The following CFAP46 variants were observed in gnomAD, a reference collection of about 807,000 sequenced individuals.
CFAP46 encodes cilia- and flagella-associated protein 46.
CFAP46 carries 245 observed loss-of-function variants against 325.7 expected under a neutral mutation model. The observed-to-expected ratio is 0.75, with a 90% CI of 0.68 to 0.84. CFAP46 has a LOEUF of 0.84. Ranked by LOEUF, CFAP46 falls within the 40% of genes least tolerant of loss-of-function variation. The pLI is 0.00. For synonymous variants in CFAP46, 1,523 were observed against 1,495.9 expected (o/e 1.02, Z -0.42); for missense variants, 3,346 against 3,543.0 (o/e 0.94, Z 1.41).
chr10:132,845,156 TCCTC>T (rs1848413535), intron 44 of CFAP46, among the ~76,000 whole-genome samples: 1 of 152,214 alleles, frequency 6.6e-6, no homozygotes, highest in Admixed American at 6.5e-5. Flanking sequence ...ATCAGCATCT[TCCTC>T]CAGGCGCAGG....
rs1849815546 is a variant in CFAP46, at chr10:132,926,601, A to G, written c.1032T>C (p.Ser344=). Residue 344 remains serine, a synonymous_variant, in exon 10 of 58, where the codon AGT becomes AGC. Transcript: ENST00000368586. ...ECESEALRLE[S]KMKVYNRAAV... is the part of the protein sequence containing the mutation. The stretch of plus-strand genomic sequence containing the variant: ...CCGCTCGGTTGTACACTTTCATCTT[A>G]CTTTCAAGTCTTAAAGCTTCCGATT... 2 of 1,536,188 alleles carry G rather than the reference A, an allele frequency of 1.3e-6. No homozygotes were observed. Among genetic ancestry groups the G allele is most frequent in the East Asian group, 4.9e-5 (2 of 40,920 alleles).
chr10:132,879,830 C>T (rs957235093), intron 28 of CFAP46, among the ~76,000 whole-genome samples, 199 bp from the exon 29 acceptor site: 1 of 152,156 alleles, frequency 6.6e-6, no homozygotes, highest in East Asian at 1.9e-4. Context: ...CTTGGCTGCC[C>T]CCTCACCCCC....
rs1850019071 is a variant in CFAP46, at chr10:132,937,038, C to T, written c.678G>A (p.Met226Ile). 1 of 1,521,314 alleles carries T rather than the reference C, an allele frequency of 6.6e-7. No homozygotes were observed. Among genetic ancestry groups the T allele is most frequent in the Non-Finnish European group, 8.9e-7 (1 of 1,122,840 alleles). The allele number at this position is 1,521,314 out of a possible 1,614,324, so 94.2% of individuals were successfully genotyped here. A position where few individuals can be genotyped will look rare whatever the true frequency, so the allele number is the denominator to read the frequency against. ...IFSVMVRHELMDELQLKEEKK... is the reference protein window; with the variant it reads ...IFSVMVRHELIDELQLKEEKK... The stretch of plus-strand genomic sequence containing the variant: ...TTTCTTCCTTTAACTGAAGTTCGTC[C>T]ATTAATTCATGACGAACCTGTCATA... Residue 226 changes from methionine to isoleucine, a missense_variant, in exon 7 of 58, where the codon ATG (methionine) becomes ATA (isoleucine). Coordinates refer to ENST00000368586, the MANE Select transcript of CFAP46 (RefSeq NM_001200049.3).
At position 132,857,703 on chromosome 10, in the gene CFAP46, C is replaced by T. The variant is rs752148392; in HGVS notation, c.5461G>A (p.Glu1821Lys). Residue 1821 changes from glutamate to lysine, a missense_variant, in exon 39 of 58, where the codon GAG becomes AAG. By Grantham distance (56) the Glu-to-Lys change is moderately conservative. Coordinates refer to ENST00000368586, the MANE Select transcript of CFAP46 (RefSeq NM_001200049.3). ...ATGCTGTGAAGCCTCCCTTCTTCCT[C>T]AGCTACGGCACCCTGGGCCAGGCCA... The part of the protein sequence containing the change: ...AYGLAQGAVA[E>K]EEGRLHSIQG... 1 of 1,613,180 alleles carries T rather than the reference C, an allele frequency of 6.2e-7. No individual in the cohort carries two copies. The highest frequency in any genetic ancestry group is 8.5e-7 in the Non-Finnish European group (1 of 1,179,682).
At position 132,922,678 on chromosome 10, in the gene CFAP46, G is replaced by A; in HGVS notation, c.1287C>T (p.His429=). Residue 429 remains histidine (H), a synonymous_variant, in exon 12 of 58, where the codon CAC becomes CAT. Transcript: ENST00000368586. ...SLMTLLRCQV[H]MEMAQIEEDE... Reference sequence around the variant, plus strand: ...CCTCCTCGATCTGCGCCATCTCCATGTGCACTTGACAGCGGAGAAGCGTCA... The same window carrying A: ...CCTCCTCGATCTGCGCCATCTCCATATGCACTTGACAGCGGAGAAGCGTCA... 1 of 1,549,650 alleles carries A rather than the reference G, an allele frequency of 6.5e-7. No homozygotes were observed. The highest frequency in any genetic ancestry group is 1.7e-4 in the Middle Eastern group (1 of 5,984).
At chr10:132,825,541 C>T (rs1848031419) in intron 50 of CFAP46, among the ~76,000 whole-genome samples, 1 of 152,188 alleles carries the variant, frequency 6.6e-6, no homozygotes, top group African/African-American at 2.4e-5. Flanking sequence ...GCATGTACAG[C>T]TTCTTACATG....
At chr10:132,881,319 G>A (rs749300081) in intron 27 of CFAP46, among the ~76,000 whole-genome samples, 4 of 152,092 alleles carry the variant, frequency 2.6e-5, no homozygotes, top group East Asian at 1.9e-4. Context: ...GGGGACTCCC[G>A]GGTCCCCAGA....
chr10:132,836,042 TCTCACCTCCCCCTCCCGACACAGCCCTG>T, intron 46 of CFAP46, 72 bp downstream of exon 46: 4 of 109,636 alleles, frequency 3.6e-5, no homozygotes, highest in Non-Finnish European at 7.3e-5. Flanking sequence ...CCCCTCCACC[TCTCACCTCCCCCTCCCGACACAGCCCTG>T]CTCACCTCCC....
At chr10:132,895,650 A>T (rs1264296117) in intron 24 of CFAP46, among the ~76,000 whole-genome samples, 1 of 152,262 alleles carries the variant, frequency 6.6e-6, no homozygotes, top group African/African-American at 2.4e-5. Context: ...AACACACAAC[A>T]ATCAGCTGTG....
intron 34 of CFAP46, 120 bp from the exon 35 acceptor site, chr10:132,866,291 G>T: frequency 9.1e-7 from 1 of 1,094,058 alleles, no homozygotes; most frequent in Non-Finnish European, 1.2e-6. Flanking sequence ...CACACCAAGG[G>T]CTCCCTGCTG....
rs555205582 is a variant in CFAP46, at chr10:132,809,552, G to A, written c.7665-648C>T. The stretch of plus-strand genomic sequence containing the variant: ...ACCGTGGACCACGTGCTCTTTACAC[G>A]ATAAGCTCCTGGTGAGCGGTGGATA... On this transcript the variant is annotated intron_variant, in intron 57 of 57. Coordinates refer to ENST00000368586, the MANE Select transcript of CFAP46 (RefSeq NM_001200049.3). Among the ~76,000 whole-genome samples the A allele has an allele frequency of 1.9e-3, 282 of 152,296 alleles. 1 individual carries two copies. Among genetic ancestry groups the A allele is most frequent in the African/African-American group, 6.6e-3 (273 of 41,566 alleles).
At chr10:132,834,502 G>A in intron 48 of CFAP46, 152 bp downstream of exon 48, 1 of 1,111,792 alleles carries the variant, frequency 9.0e-7, no homozygotes, top group Non-Finnish European at 1.3e-6. Flanking sequence ...AGAACCAGAA[G>A]AATTGCTTCC....
Position 132,814,560 on chromosome 10 carries a change from C to G in CFAP46, c.7285+17G>C. On this transcript the variant is annotated intron_variant, in intron 53 of 57. Coordinates refer to ENST00000368586, the MANE Select transcript of CFAP46 (RefSeq NM_001200049.3). Reference sequence around the variant, plus strand: ...GGCTGGCGTGTGCCTGAACAGGGAGCCCTGTGCAGCACCCACCTGGGCCCT... The same window carrying G: ...GGCTGGCGTGTGCCTGAACAGGGAGGCCTGTGCAGCACCCACCTGGGCCCT... The G allele has an allele frequency of 6.4e-7, 1 of 1,555,456 alleles. No individual in the cohort carries two copies. Among genetic ancestry groups the G allele is most frequent in the Non-Finnish European group, 8.7e-7 (1 of 1,150,132 alleles).
Position 132,919,361 on chromosome 10 carries a change from G to A in CFAP46, c.1812C>T (p.Cys604=). 5 of 1,550,156 alleles carry A rather than the reference G, an allele frequency of 3.2e-6. No homozygotes were observed. Among genetic ancestry groups the A allele is most frequent in the South Asian group, 1.2e-5 (1 of 84,042 alleles). The change falls in exon 15 of 58, where the codon TGC becomes TGT. Residue 604 remains cysteine (C), a synonymous_variant. Coordinates refer to ENST00000368586, the MANE Select transcript of CFAP46 (RefSeq NM_001200049.3). The surrounding 1 kb of genome is among the most constrained non-coding windows in gnomAD (Gnocchi z 9.7). ...WDVCRTASRF[C]LLYDNVKVKK... The stretch of plus-strand genomic sequence containing the variant: ...TCACCTTGACGTTGTCATACAGGAG[G>A]CAGAAGCGGCTCGCCGTCCGACAGA...
chr10:132,909,424 C>T (rs142608265), intron 20 of CFAP46, among the ~76,000 whole-genome samples, 180 bp from the exon 21 acceptor site: 2,094 of 152,352 alleles, frequency 0.014, 23 homozygotes, highest in Middle Eastern at 0.041. Flanking sequence ...TCTCATACAA[C>T]GAGGAGCCCC....
intron 11 of CFAP46, 50 bp downstream of exon 11, chr10:132,924,646 C>G (rs552733871): frequency 7.1e-7 from 1 of 1,404,014 alleles, no homozygotes; most frequent in South Asian, 1.5e-5. Flanking sequence ...TCTGTCTCCT[C>G]CTATGCGCCA....
chr10:132,898,785 G>A (rs1029057314), intron 24 of CFAP46, 174 bp downstream of exon 24: 12 of 836,564 alleles, frequency 1.4e-5, no homozygotes, highest in Middle Eastern at 2.2e-4. Context: ...AGGGGCCCCC[G>A]CAGTGCTGGG....
At chr10:132,905,350 T>C (rs1344606266) in intron 22 of CFAP46, among the ~76,000 whole-genome samples, 1 of 152,038 alleles carries the variant, frequency 6.6e-6, no homozygotes, top group Non-Finnish European at 1.5e-5. Context: ...AGCCACCCAA[T>C]GCAGTCAGAC....
chr10:132,917,153 G>A (rs948153040), intron 16 of CFAP46, among the ~76,000 whole-genome samples: 4 of 152,384 alleles, frequency 2.6e-5, no homozygotes, highest in Non-Finnish European at 5.9e-5. Flanking sequence ...AGAGAGTTCT[G>A]TGCCGCTTCT....
Sources: gnomAD v4.1 joint callset for allele counts (sites outside exome capture counted in the v4.1 genomes callset) on GRCh38, gnomAD v4.1.1 for gene constraint, Gnocchi (gnomAD v3.1) non-coding constraint, MANE v1.5 for transcripts, NCBI Gene and HGNC (gene_info 2026-07-23, HGNC 2026-07-21) for gene names.